The following SPATS2 variants were observed in gnomAD, a reference collection of about 807,000 sequenced individuals.
SPATS2 encodes spermatogenesis-associated serine-rich protein 2.
SPATS2 carries 38 observed loss-of-function variants against 63.7 expected under a neutral mutation model. The ratio of observed to expected loss-of-function variants is 0.60; its 90% CI spans 0.46 to 0.78. The LOEUF is 0.78. SPATS2 is among the 30% of genes least tolerant of loss of function. The pLI is 0.00. For synonymous variants in SPATS2, 207 were observed against 232.9 expected, an observed-to-expected ratio of 0.89 and a Z score of 1.01; for missense variants, 588 against 666.2, an observed-to-expected ratio of 0.88 and a Z score of 1.29.
At chr12:49,478,948 C>T (rs1946161895) in intron 3 of SPATS2, among the ~76,000 whole-genome samples, 1 of 152,056 alleles carries the variant, frequency 6.6e-6, no homozygotes, top group Non-Finnish European at 1.5e-5. Context: ...GTGGGTACCT[C>T]CTCTCTGTAG....
At chr12:49,399,534 C>T (rs566853923) in intron 2 of SPATS2, among the ~76,000 whole-genome samples, 29 of 152,312 alleles carry the variant, frequency 1.9e-4, no homozygotes, top group African/African-American at 6.5e-4. Context: ...TGTGTCTCAA[C>T]TTTGATGGTG....
chr12:49,502,012 A>G (rs1946574938), intron 9 of SPATS2, among the ~76,000 whole-genome samples: 1 of 152,204 alleles, frequency 6.6e-6, no homozygotes, highest in Admixed American at 6.5e-5. Flanking sequence ...CCATATTAAA[A>G]TGACAGGAAG....
At chr12:49,493,985 C>T (rs1946425605) in intron 6 of SPATS2, among the ~76,000 whole-genome samples, 1 of 152,164 alleles carries the variant, frequency 6.6e-6, no homozygotes, top group Non-Finnish European at 1.5e-5. Flanking sequence ...GCCTATTGAT[C>T]AACATTTGGG....
chr12:49,378,901 A>AT (rs1027519879), intron 2 of SPATS2, among the ~76,000 whole-genome samples: 1 of 149,188 alleles, frequency 6.7e-6, no homozygotes, highest in African/African-American at 2.5e-5. Context: ...ATCAGATTTT[A>AT]TTTTATTATT....
At chr12:49,473,445 A>G (rs1450476326) in intron 3 of SPATS2, among the ~76,000 whole-genome samples, 3 of 152,094 alleles carry the variant, frequency 2.0e-5, no homozygotes, top group Non-Finnish European at 2.9e-5. Context: ...AAAAATCTCA[A>G]ACACTACTAG....
At chr12:49,403,639 A>ACACACACG (rs1565704965) in intron 2 of SPATS2, among the ~76,000 whole-genome samples, 2 of 147,304 alleles carry the variant, frequency 1.4e-5, no homozygotes, top group Non-Finnish European at 3.0e-5. Context: ...ACACACACAC[A>ACACACACG]CAAACAAAAC....
chr12:49,422,898 C>T (rs1281981312), intron 2 of SPATS2, among the ~76,000 whole-genome samples: 1 of 151,256 alleles, frequency 6.6e-6, no homozygotes, highest in African/African-American at 2.4e-5. Context: ...GGAAACAGAA[C>T]CAGACCCTAT....
chr12:49,490,125 T>G (rs1592450973), intron 5 of SPATS2: 1 of 153,080 alleles, frequency 6.5e-6, no homozygotes, highest in Non-Finnish European at 1.5e-5. Flanking sequence ...AAAAACTATC[T>G]GAAGCTATTG....
At chr12:49,395,221 A>T (rs895035343) in intron 2 of SPATS2, among the ~76,000 whole-genome samples, 8 of 150,912 alleles carry the variant, frequency 5.3e-5, no homozygotes, top group African/African-American at 2.0e-4. Flanking sequence ...CTAGTCTCAA[A>T]CTCCTGGCCT....
At chr12:49,509,298 T>TG (rs1946707949) in intron 9 of SPATS2, among the ~76,000 whole-genome samples, 1 of 139,364 alleles carries the variant, frequency 7.2e-6, no homozygotes, top group Non-Finnish European at 1.6e-5. Context: ...TTTTTTTTTT[T>TG]GAGACAGAGT....
At chr12:49,456,189 G>T (rs913615577) in intron 2 of SPATS2, among the ~76,000 whole-genome samples, 1 of 152,208 alleles carries the variant, frequency 6.6e-6, no homozygotes, top group Non-Finnish European at 1.5e-5. Flanking sequence ...CACCTTGGGG[G>T]TATGTGATGG....
At chr12:49,415,448 A>G (rs1050850131) in intron 2 of SPATS2, among the ~76,000 whole-genome samples, 1 of 152,194 alleles carries the variant, frequency 6.6e-6, no homozygotes, top group Non-Finnish European at 1.5e-5. Flanking sequence ...TATATTCTAT[A>G]TACTGCTTGG....
At chr12:49,435,444 T>C (rs1945259296) in intron 2 of SPATS2, among the ~76,000 whole-genome samples, 1 of 151,536 alleles carries the variant, frequency 6.6e-6, no homozygotes, top group South Asian at 2.1e-4. Flanking sequence ...TGCCTCAGCC[T>C]CCTCCTGAGT....
At chr12:49,378,767 A>G (rs1228851314) in intron 2 of SPATS2, among the ~76,000 whole-genome samples, 2 of 151,430 alleles carry the variant, frequency 1.3e-5, no homozygotes, top group Non-Finnish European at 2.9e-5. Flanking sequence ...GGCTAATGTA[A>G]AAATTTTTTG....
intron 4 of SPATS2, among the ~76,000 whole-genome samples, chr12:49,485,382 G>A (rs987869267): frequency 6.6e-5 from 10 of 151,838 alleles, no homozygotes; most frequent in African/African-American, 2.4e-5. Context: ...GTTTTTTCGA[G>A]ACAGAGTCTC....
At chr12:49,397,671 T>TA (rs376475270) in intron 2 of SPATS2, among the ~76,000 whole-genome samples, 14 of 150,078 alleles carry the variant, frequency 9.3e-5, no homozygotes, top group African/African-American at 9.8e-5. Flanking sequence ...CTACAAAAAA[T>TA]AAAAAAAAGC....
intron 2 of SPATS2, among the ~76,000 whole-genome samples, chr12:49,452,120 A>T (rs1014318708): frequency 6.6e-6 from 1 of 152,064 alleles, no homozygotes; most frequent in Admixed American, 6.6e-5. Flanking sequence ...TAATTCATTG[A>T]GCTTCCTGAC....
At chr12:49,415,895 G>A (rs963449295) in intron 2 of SPATS2, among the ~76,000 whole-genome samples, 2 of 152,080 alleles carry the variant, frequency 1.3e-5, no homozygotes, top group Non-Finnish European at 2.9e-5. Flanking sequence ...TCTGTTTTAA[G>A]TCTTTACGAC....
At position 49,459,716 on chromosome 12, in the gene SPATS2, A is replaced by G. The variant is rs375264447; in HGVS notation, c.-243-1054A>G. On this transcript the variant is annotated intron_variant, in intron 2 of 13. Transcript: ENST00000552918. The stretch of plus-strand genomic sequence containing the variant: ...CTAAGTCCATTCTTTGGGTTTGTAC[A>G]GTGAGTGTGTTTCTCATTTCACGTC... Among the ~76,000 whole-genome samples, 67 of 139,064 alleles carry G rather than the reference A, an allele frequency of 4.8e-4. No homozygotes were observed. The South Asian group carries it at 0.013, about 26-fold the overall frequency. 91.2% of individuals were successfully genotyped at this position (139,064 alleles called of 152,430 possible). A position where few individuals can be genotyped will look rare whatever the true frequency, so the allele number is the denominator to read the frequency against.
Sources: gnomAD v4.1 joint callset for allele counts (sites outside exome capture counted in the v4.1 genomes callset) on GRCh38, gnomAD v4.1.1 for gene constraint, MANE v1.5 for transcripts, NCBI Gene and HGNC (gene_info 2026-07-23, HGNC 2026-07-21) for gene names.